Variants in PPP1R9A observed in about 807,000 individuals in gnomAD.
PPP1R9A encodes neurabin-1.
Under a neutral mutation model 141.9 loss-of-function variants are expected in PPP1R9A, and 59 were observed. The observed-to-expected ratio is 0.42, with a 90% CI of 0.34 to 0.52. PPP1R9A has a LOEUF of 0.52. PPP1R9A is among the 20% of genes least tolerant of loss of function. PPP1R9A has a pLI of 0.10. For missense variants in PPP1R9A, 1,444 were observed against 1,611.9 expected, an observed-to-expected ratio of 0.90 and a Z score of 1.78; for synonymous variants, 500 against 569.7, an observed-to-expected ratio of 0.88 and a Z score of 1.74.
At chr7:95,048,028 A>G (rs1281870830) in intron 2 of PPP1R9A, among the ~76,000 whole-genome samples, 2 of 152,226 alleles carry the variant, frequency 1.3e-5, no homozygotes, top group East Asian at 3.8e-4. Context: ...TTAAAAAGGA[A>G]TAGCTGTTAA....
Position 95,288,695 on chromosome 7 carries a change from C to A in PPP1R9A, c.3889C>A (p.Gln1297Lys), listed in dbSNP as rs911425702. ...AQNITGEQLL[Q>K]LDGNKLKALG... is the part of the protein sequence containing the mutation. ...AAACATCACTGGAGAACAGCTCCTG[C>A]AGTTGGATGGAAATAAACTTAAGGT... The change falls in exon 19 of 20, where the codon CAG (glutamine) becomes AAG (lysine). Residue 1297 changes from glutamine to lysine, a missense_variant. Physicochemically the swap from Gln to Lys is moderately conservative, Grantham distance 53. This residue lies in a region of PPP1R9A where 459 missense variants were observed against 513.8 expected (regional missense o/e 0.89). Coordinates refer to ENST00000433360, the MANE Select transcript of PPP1R9A (RefSeq NM_001166160.2). 2 of 1,613,710 alleles carry A rather than the reference C, an allele frequency of 1.2e-6. No individual in the cohort carries two copies. The highest frequency in any genetic ancestry group is 2.2e-5 in the East Asian group (1 of 44,884).
chr7:95,123,521 C>T (rs747543416), intron 4 of PPP1R9A, among the ~76,000 whole-genome samples: 4 of 152,206 alleles, frequency 2.6e-5, no homozygotes, highest in East Asian at 3.9e-4. Context: ...TGGTAGTGGG[C>T]GCCTCTAATC....
chr7:95,203,711 A>G lies in PPP1R9A; in HGVS notation c.1937A>G (p.Asn646Ser). The G allele has an allele frequency of 2.6e-6, 4 of 1,535,930 alleles. No homozygotes were observed. Among genetic ancestry groups the G allele is most frequent in the African/African-American group, 1.4e-5 (1 of 73,158 alleles). ...GGAATGTCTGGCAACTGCAATAACA[A>G]TAACAACTATTTTCTTAAGGTTTGT... ...LQGMSGNCNN[N>S]NNYFLKTGEY... Residue 646 changes from asparagine to serine, a missense_variant, in exon 7 of 20, where the codon AAT becomes AGT. Physicochemically the swap from Asn to Ser is conservative, Grantham distance 46 (BLOSUM62 1). Transcript: ENST00000433360.
intron 2 of PPP1R9A, among the ~76,000 whole-genome samples, chr7:94,936,233 C>T (rs371269718): frequency 4.7e-4 from 71 of 152,164 alleles, no homozygotes; most frequent in African/African-American, 1.6e-3. Flanking sequence ...TTCCTCTGGG[C>T]GCCAGTTTCC....
intron 2 of PPP1R9A, among the ~76,000 whole-genome samples, chr7:95,056,484 C>T (rs1449213632): frequency 1.3e-5 from 2 of 152,110 alleles, no homozygotes; most frequent in Non-Finnish European, 2.9e-5. Flanking sequence ...CCCTGGGGCT[C>T]ACAGTGGTTT....
chr7:95,178,318 A>G (rs1170489039), intron 5 of PPP1R9A, among the ~76,000 whole-genome samples: 1 of 152,126 alleles, frequency 6.6e-6, no homozygotes, highest in East Asian at 1.9e-4. Flanking sequence ...TGAAAACTTA[A>G]AAATTCTTCA....
At chr7:95,076,147 C>G (rs1199100588) in intron 2 of PPP1R9A, among the ~76,000 whole-genome samples, 1 of 152,140 alleles carries the variant, frequency 6.6e-6, no homozygotes, top group Non-Finnish European at 1.5e-5. Flanking sequence ...ATGTGATCCT[C>G]CCACCTTGGC....
At chr7:94,940,307 A>G (rs1302193103) in intron 2 of PPP1R9A, among the ~76,000 whole-genome samples, 1 of 151,810 alleles carries the variant, frequency 6.6e-6, no homozygotes, top group Non-Finnish European at 1.5e-5. Flanking sequence ...TTTTTTTTCC[A>G]TTTAGCAGGA....
chr7:95,276,774 AAAG>A (rs567001363), intron 16 of PPP1R9A, among the ~76,000 whole-genome samples: 117 of 152,012 alleles, frequency 7.7e-4, no homozygotes, highest in Admixed American at 4.5e-3. Flanking sequence ...AAGAACAAGG[AAAG>A]AAGAAGGACA....
At chr7:95,172,348 T>A (rs1384271002) in intron 5 of PPP1R9A, among the ~76,000 whole-genome samples, 3 of 151,720 alleles carry the variant, frequency 2.0e-5, no homozygotes, top group Non-Finnish European at 4.4e-5. Flanking sequence ...TATACACAGA[T>A]GACCATGAAG....
chr7:95,258,181 G>C (rs1398830534), intron 12 of PPP1R9A, among the ~76,000 whole-genome samples: 1 of 152,054 alleles, frequency 6.6e-6, no homozygotes, highest in Non-Finnish European at 1.5e-5. Flanking sequence ...AGCACCTGTT[G>C]TTTCCTGACT....
rs1417617212 is a variant in PPP1R9A, at chr7:95,079,551, T to C, written c.1396-31708T>C. ...ACCATTCCTTCTGAAACTATTCCAA[T>C]CAATAGAAAAAGAGGGAATCCTCCC... On this transcript the variant is annotated intron_variant, in intron 2 of 19. Transcript: ENST00000433360. 2.6e-5 allele frequency among the ~76,000 whole-genome samples: 4 copies of C among 151,812 alleles called. No homozygotes were observed. The East Asian group carries it at 5.8e-4, about 22-fold the overall frequency.
intron 4 of PPP1R9A, among the ~76,000 whole-genome samples, chr7:95,139,817 A>G (rs1218880854): frequency 1.3e-5 from 2 of 151,628 alleles, no homozygotes; most frequent in Non-Finnish European, 2.9e-5. Flanking sequence ...CATTAAAAAA[A>G]AAAAAAAAAG....
chr7:95,134,691 C>A (rs377582831), intron 4 of PPP1R9A, among the ~76,000 whole-genome samples: 14 of 152,218 alleles, frequency 9.2e-5, no homozygotes, highest in African/African-American at 2.9e-4. Context: ...CACCTTGGCC[C>A]CCCAAAGTGT....
Position 95,140,939 on chromosome 7 carries a change from C to G in PPP1R9A, c.1649+20107C>G, listed in dbSNP as rs574329910. Among the ~76,000 whole-genome samples, 291 of 152,260 alleles carry G rather than the reference C, an allele frequency of 1.9e-3. 1 individual carries two copies. Among genetic ancestry groups the G allele is most frequent in the African/African-American group, 6.7e-3 (279 of 41,546 alleles). On this transcript the variant is annotated intron_variant, in intron 4 of 19. Coordinates refer to ENST00000433360, the MANE Select transcript of PPP1R9A (RefSeq NM_001166160.2). ...TTCGCCATGTTGCCCAGTCTGGTCT[C>G]GAACTCCTGGGCTTAAGCAATCCGC...
intron 2 of PPP1R9A, among the ~76,000 whole-genome samples, chr7:94,953,619 T>A (rs1796729159): frequency 1.3e-5 from 2 of 152,192 alleles, no homozygotes; most frequent in Admixed American, 1.3e-4. Context: ...TTTGTTTGTG[T>A]CCTCTCTTAT....
intron 2 of PPP1R9A, among the ~76,000 whole-genome samples, chr7:94,913,996 G>A (rs965585178): frequency 6.6e-6 from 1 of 152,080 alleles, no homozygotes; most frequent in Admixed American, 6.6e-5. Flanking sequence ...AAAGGGATTT[G>A]ATAGATTATT....
chr7:95,092,335 T>C lies in PPP1R9A; in HGVS notation c.1396-18924T>C, dbSNP rs1012435953. On this transcript the variant is annotated intron_variant, in intron 2 of 19. Coordinates refer to ENST00000433360, the MANE Select transcript of PPP1R9A (RefSeq NM_001166160.2). ...GAGCAGCTTTTTCTTGTCTGTATCT[T>C]ATACTACACGCTTTTTTTTTTTTTT... Among the ~76,000 whole-genome samples, 4 of 146,564 alleles carry C rather than the reference T, an allele frequency of 2.7e-5. No individual in the cohort carries two copies. In the Admixed American group the frequency reaches 2.8e-4, roughly 10 times the overall value.
In PPP1R9A at chr7:95,275,879, T is replaced by C. The variant is rs554052102; in HGVS notation, c.3296+1711T>C. ...TTAATTATCTTTGTTAGTGTGGCTTTCCTTTATACTGTACATTGGAAAAGG... is the reference window on the plus strand; with the variant it reads ...TTAATTATCTTTGTTAGTGTGGCTTCCCTTTATACTGTACATTGGAAAAGG... On this transcript the variant is annotated intron_variant, in intron 16 of 19. Transcript: ENST00000433360. 1.2e-4 allele frequency among the ~76,000 whole-genome samples: 19 copies of C among 152,308 alleles called. No individual in the cohort carries two copies. The East Asian group carries it at 3.1e-3, about 25-fold the overall frequency.
Sources: gnomAD v4.1 joint callset for allele counts (sites outside exome capture counted in the v4.1 genomes callset) on GRCh38, gnomAD v4.1.1 for gene constraint, gnomAD v4.1.1 regional missense constraint, MANE v1.5 for transcripts, NCBI Gene and HGNC (gene_info 2026-07-23, HGNC 2026-07-21) for gene names.